PDE1A: variants seen among roughly 807,000 people sequenced by gnomAD.
PDE1A encodes the protein dual specificity calcium/calmodulin-dependent 3',5'-cyclic nucleotide phosphodiesterase 1A.
PDE1A carries 35 observed loss-of-function variants against 61.7 expected under a neutral mutation model. The ratio of observed to expected loss-of-function variants is 0.57; its 90% CI spans 0.43 to 0.75. The LOEUF (loss-of-function observed/expected upper bound fraction) is 0.75. Ranked by LOEUF, PDE1A falls within the 30% of genes least tolerant of loss-of-function variation. The pLI, the probability that PDE1A is intolerant of heterozygous loss-of-function variation, is 0.00. For missense variants in PDE1A, 597 were observed against 630.6 expected (o/e 0.95, Z 0.57); for synonymous variants, 232 against 213.2 (o/e 1.09, Z -0.77).
At chr2:182,343,958 C>T (rs1698359044) in intron 1 of PDE1A, among the ~76,000 whole-genome samples, 1 of 151,626 alleles carries the variant, frequency 6.6e-6, no homozygotes, top group Non-Finnish European at 1.5e-5. Context: ...CAGCCTCAAC[C>T]TCCCTGGGCT....
At chr2:182,347,127 GT>G (rs11319157) in intron 1 of PDE1A, among the ~76,000 whole-genome samples, 150,635 of 151,634 alleles carry the variant, frequency 0.99, 74,827 homozygotes, top group East Asian at 1. Flanking sequence ...AAAAAGCTGA[GT>G]TTTTTTTTTC....
chr2:182,455,146 A>T (rs975555216), intron 2 of PDE1A, among the ~76,000 whole-genome samples: 2 of 152,078 alleles, frequency 1.3e-5, no homozygotes, highest in African/African-American at 4.8e-5. Flanking sequence ...GCCAAAAAAC[A>T]CATGAAAAAA....
chr2:182,173,803 A>C (rs1692464307), intron 13 of PDE1A, among the ~76,000 whole-genome samples: 1 of 152,030 alleles, frequency 6.6e-6, no homozygotes, highest in Non-Finnish European at 1.5e-5. Context: ...ATGTAAAGTG[A>C]ACTGTGCTTT....
In PDE1A at chr2:182,381,309, A is replaced by C. The variant is rs936923476; in HGVS notation, c.53+45269T>G. On this transcript the variant is annotated intron_variant, in intron 1 of 13. Coordinates refer to ENST00000351439, the Ensembl canonical transcript of PDE1A. ...TTCTATCAGCTCCCACTTCATCATC[A>C]TGCTCTTTCTAGCCCAGTCATGAAA... Among the ~76,000 whole-genome samples, 89 of 152,126 alleles carry C rather than the reference A, an allele frequency of 5.9e-4. 1 individual carries two copies. Among genetic ancestry groups the C allele is most frequent in the Non-Finnish European group, 1.3e-4 (9 of 68,032 alleles).
At chr2:182,594,190 C>T in the PDE1A span, among the ~76,000 whole-genome samples, 2 of 152,172 alleles carry the variant, frequency 1.3e-5, no homozygotes, top group East Asian at 3.8e-4. Context: ...CTAAATTTTT[C>T]ATTTACTTTT....
Position 182,240,296 on chromosome 2 carries a change from C to A in PDE1A, c.168-4G>T. 3.3e-6 allele frequency: 5 copies of A among 1,520,890 alleles called. No homozygotes were observed. Among genetic ancestry groups the A allele is most frequent in the South Asian group, 1.4e-5 (1 of 73,184 alleles). 94.2% of individuals were successfully genotyped at this position (1,520,890 alleles called of 1,614,324 possible). On this transcript the variant is annotated splice_polypyrimidine_tract_variant and splice_region_variant and intron_variant, in intron 2 of 13. Coordinates refer to ENST00000351439, the Ensembl canonical transcript of PDE1A. ...ATCTTCAGTATCCAGAAGTCTTCTA[C>A]AAAAATTTATACAGATTAAACTTTT...
the PDE1A span, among the ~76,000 whole-genome samples, chr2:182,675,918 T>C: frequency 6.6e-6 from 1 of 152,222 alleles, no homozygotes; most frequent in Non-Finnish European, 1.5e-5. Flanking sequence ...TTTACTCTGT[T>C]GATAATTTCT....
At chr2:182,191,272 G>A (rs2125420321) in intron 10 of PDE1A, among the ~76,000 whole-genome samples, 1 of 152,180 alleles carries the variant, frequency 6.6e-6, no homozygotes, top group East Asian at 1.9e-4. Flanking sequence ...GTCTGTTGAT[G>A]CCACTAATGG....
chr2:182,446,939 A>T (rs528658010), intron 2 of PDE1A, among the ~76,000 whole-genome samples: 66 of 149,460 alleles, frequency 4.4e-4, no homozygotes, highest in Non-Finnish European at 6.5e-4. Flanking sequence ...TAAGTGAGAT[A>T]ATATATATAT....
intron 1 of PDE1A, among the ~76,000 whole-genome samples, chr2:182,344,977 TC>T (rs1469347411): frequency 6.6e-6 from 1 of 152,142 alleles, no homozygotes; most frequent in African/African-American, 2.4e-5. Context: ...CAGTGCACTG[TC>T]TTTTCCTTGG....
At chr2:182,307,805 A>G (rs1695689465) in intron 1 of PDE1A, among the ~76,000 whole-genome samples, 1 of 152,130 alleles carries the variant, frequency 6.6e-6, no homozygotes, top group African/African-American at 2.4e-5. Flanking sequence ...ACAGTGAGCT[A>G]TGATTATGCC....
chr2:182,425,832 G>C (rs1282342216), intron 1 of PDE1A, among the ~76,000 whole-genome samples: 4 of 152,098 alleles, frequency 2.6e-5, no homozygotes, highest in Admixed American at 1.3e-4. Flanking sequence ...AAAATCTTCT[G>C]TTTTGAGGGG....
the PDE1A span, among the ~76,000 whole-genome samples, chr2:182,589,732 C>A: frequency 6.6e-6 from 1 of 152,186 alleles, no homozygotes; most frequent in Non-Finnish European, 1.5e-5. Flanking sequence ...GATGTGCCTA[C>A]AAATCGAGAA....
At chr2:182,274,828 T>C (rs1255589986) in intron 1 of PDE1A, among the ~76,000 whole-genome samples, 2 of 152,156 alleles carry the variant, frequency 1.3e-5, no homozygotes, top group African/African-American at 4.8e-5. Flanking sequence ...TTTGTAGCCA[T>C]AATCTCTCAG....
Position 182,230,998 on chromosome 2 carries a change from T to C in PDE1A, c.534+17A>G. On this transcript the variant is annotated intron_variant, in intron 5 of 13. Coordinates refer to ENST00000351439, the Ensembl canonical transcript of PDE1A. ...ACCAATTCTAAGAGCATTTCACTTT[T>C]GTTCCATGTTTCTGACCTTGAAACG... The C allele has an allele frequency of 8.3e-7, 1 of 1,204,650 alleles. No homozygotes were observed. The highest frequency in any genetic ancestry group is 1.2e-6 in the Non-Finnish European group (1 of 825,460). 74.6% of individuals were successfully genotyped at this position (1,204,650 alleles called of 1,614,324 possible).
chr2:182,675,194 G>A, the PDE1A span, among the ~76,000 whole-genome samples: 1 of 152,216 alleles, frequency 6.6e-6, no homozygotes, highest in African/African-American at 2.4e-5. Flanking sequence ...ACTTATAAGT[G>A]AGAACATGAA....
intron 6 of PDE1A, 78 bp from the exon 7 acceptor site, chr2:182,224,042 G>T: frequency 1.1e-6 from 1 of 872,652 alleles, no homozygotes; most frequent in Non-Finnish European, 1.9e-6. Context: ...GACTTTCAGT[G>T]CACCCTGTTT....
At chr2:182,273,652 T>C (rs1396648798) in intron 1 of PDE1A, among the ~76,000 whole-genome samples, 1 of 152,074 alleles carries the variant, frequency 6.6e-6, no homozygotes, top group African/African-American at 2.4e-5. Flanking sequence ...CTTTTTTCTT[T>C]TTGCAAAATC....
chr2:182,286,263 T>A (rs1365269694), intron 1 of PDE1A, among the ~76,000 whole-genome samples: 5 of 152,144 alleles, frequency 3.3e-5, no homozygotes, highest in Non-Finnish European at 5.9e-5. Flanking sequence ...ACAGCCTTTT[T>A]TACACAGCTC....
Sources: allele counts gnomAD v4.1 joint callset (sites outside exome capture counted in the v4.1 genomes callset), GRCh38; gene constraint gnomAD v4.1.1; transcripts MANE v1.5; gene names NCBI Gene and HGNC (gene_info 2026-07-23, HGNC 2026-07-21).